KLRD1: variants seen among roughly 807,000 people sequenced by gnomAD.
KLRD1 encodes killer cell lectin like receptor D1.
A neutral mutation model predicts 22.6 loss-of-function variants in KLRD1; 21 were observed. That is an observed-to-expected ratio of 0.93 (90% confidence interval 0.66 to 1.34). KLRD1 has a LOEUF of 1.34. KLRD1 is among the 40% of genes most tolerant of loss of function. KLRD1 has a pLI of 0.00. For missense variants in KLRD1, 183 were observed against 208.6 expected, an observed-to-expected ratio of 0.88 and a Z score of 0.76; for synonymous variants, 59 against 71.1, an observed-to-expected ratio of 0.83 and a Z score of 0.85.
At chr12:10,244,806 A>AAAC (rs1949275783) in intron 1 of KLRD1, among the ~76,000 whole-genome samples, 2 of 62,868 alleles carry the variant, frequency 3.2e-5, no homozygotes, top group Non-Finnish European at 6.9e-5. Context: ...AACAAACAAA[A>AAAC]AAAAAACCAA....
At chr12:10,285,536 A>G (rs1002433194) in intron 1 of KLRD1, among the ~76,000 whole-genome samples, 6 of 152,202 alleles carry the variant, frequency 3.9e-5, no homozygotes, top group Admixed American at 6.5e-5. Flanking sequence ...TTGTGTATCA[A>G]TAGTCACCAG....
upstream of KLRD1, among the ~76,000 whole-genome samples, chr12:10,300,330 A>G (rs925097531): frequency 7.9e-5 from 12 of 152,320 alleles, no homozygotes; most frequent in African/African-American, 2.6e-4. Flanking sequence ...TGAAGAATGG[A>G]TGTTGTGCTA....
intron 1 of KLRD1, among the ~76,000 whole-genome samples, chr12:10,277,335 T>C (rs1053991511): frequency 6.6e-6 from 1 of 152,146 alleles, no homozygotes; most frequent in Admixed American, 6.6e-5. Context: ...GGGAAAAATA[T>C]AAACAAATGT....
chr12:10,307,820 G>A, upstream of KLRD1: 1 of 420,414 alleles, frequency 2.4e-6, no homozygotes, highest in Non-Finnish European at 4.3e-6. Flanking sequence ...AGAATTTCCT[G>A]TATTGTGGTT....
intron 1 of KLRD1, among the ~76,000 whole-genome samples, chr12:10,271,990 C>T (rs1447027668): frequency 6.6e-6 from 1 of 152,090 alleles, no homozygotes; most frequent in African/African-American, 2.4e-5. Context: ...ATATTAACCA[C>T]TCAATATGTG....
At position 10,252,564 on chromosome 12, in the gene KLRD1, C is replaced by T. The variant is rs529199051; in HGVS notation, c.-101+26331C>T. Among the ~76,000 whole-genome samples the T allele has an allele frequency of 1.4e-4, 22 of 152,248 alleles. 1 individual carries two copies. In the South Asian group the frequency reaches 4.3e-3, roughly 30 times the overall value. ...CTCAAGTTATAAGAAGTTAGTTCTT[C>T]TTCCCTCATGTTACTTAAGATTTGA... On this transcript the variant is annotated intron_variant, in intron 1 of 5. Coordinates refer to the KLRD1 transcript ENST00000544747.
chr12:10,303,992 A>G (rs1479167755), upstream of KLRD1, among the ~76,000 whole-genome samples: 1 of 152,176 alleles, frequency 6.6e-6, no homozygotes, highest in East Asian at 1.9e-4. Context: ...CTATACATGT[A>G]ATTGTATGTA....
rs549334891 is a variant in KLRD1, at chr12:10,289,920, A to G, written c.-100-18058A>G. Among the ~76,000 whole-genome samples, 13 of 152,174 alleles carry G rather than the reference A, an allele frequency of 8.5e-5. No homozygotes were observed. The East Asian group carries it at 1.4e-3, about 16-fold the overall frequency. ...CAGCCTCCCGAGTAGCTGGGATTAC[A>G]GGCATGCACCACCACACCCAGCTAG... On this transcript the variant is annotated intron_variant, in intron 1 of 5. Coordinates refer to the KLRD1 transcript ENST00000544747.
chr12:10,292,839 G>T (rs1949782400), intron 1 of KLRD1, among the ~76,000 whole-genome samples: 1 of 151,954 alleles, frequency 6.6e-6, no homozygotes, highest in Non-Finnish European at 1.5e-5. Flanking sequence ...TTTTCCAGAA[G>T]CCTGTTTCAT....
intron 1 of KLRD1, among the ~76,000 whole-genome samples, chr12:10,278,411 T>C (rs191791420): frequency 1.3e-5 from 2 of 152,278 alleles, no homozygotes; most frequent in African/African-American, 4.8e-5. Context: ...TTTGGTGGAC[T>C]TCCATGCTCC....
intron 1 of KLRD1, among the ~76,000 whole-genome samples, chr12:10,292,486 C>T (rs146542829): frequency 7.9e-5 from 12 of 152,286 alleles, no homozygotes; most frequent in African/African-American, 2.4e-4. Context: ...TGTACGTCTT[C>T]ATCAGAGCTC....
At chr12:10,256,667 CA>C (rs1214071536) in intron 1 of KLRD1, among the ~76,000 whole-genome samples, 1 of 151,744 alleles carries the variant, frequency 6.6e-6, no homozygotes, top group Non-Finnish European at 1.5e-5. Context: ...TAACTATTAA[CA>C]TAGATTTATT....
intron 1 of KLRD1, among the ~76,000 whole-genome samples, chr12:10,267,988 G>T (rs1009625404): frequency 6.6e-6 from 1 of 152,158 alleles, no homozygotes; most frequent in Non-Finnish European, 1.5e-5. Flanking sequence ...TGTAAACCAT[G>T]TTCAGGCTTT....
At position 10,294,852 on chromosome 12, in the gene KLRD1, G is replaced by C. The variant is rs146939449; in HGVS notation, c.-100-13126G>C. Among the ~76,000 whole-genome samples the C allele has an allele frequency of 3.3e-5, 5 of 152,206 alleles. No individual in the cohort carries two copies. In the East Asian group the frequency reaches 7.7e-4, roughly 24 times the overall value. On this transcript the variant is annotated intron_variant, in intron 1 of 5. Transcript: ENST00000544747. ...GAAAGTGAGTTCTTGGATGAAGCTT[G>C]ACACAAAACAATTTATATTATGTGA... is the stretch of plus-strand genomic sequence containing the variant.
At chr12:10,257,316 A>G (rs1949407134) in intron 1 of KLRD1, among the ~76,000 whole-genome samples, 1 of 150,460 alleles carries the variant, frequency 6.6e-6, no homozygotes, top group Non-Finnish European at 1.5e-5. Context: ...TATTTTTTAA[A>G]TACTCTTTCT....
rs905489865 is a variant in KLRD1 at position 10,311,629 on chromosome 12, C to T, written c.315+14C>T. 1 of 1,610,224 alleles carries T rather than the reference C, an allele frequency of 6.2e-7. No homozygotes were observed. Among genetic ancestry groups the T allele is most frequent in the Admixed American group, 1.7e-5 (1 of 59,528 alleles). On this transcript the variant is annotated intron_variant, in intron 4 of 5. Transcript: ENST00000336164. ...ACAGATGAACTGGCATGTGCTGAGT[C>T]TGATTTTCTACATTTTCTTTGATCT... is the stretch of plus-strand genomic sequence containing the variant.
At chr12:10,248,067 G>A (rs1395413070) in intron 1 of KLRD1, among the ~76,000 whole-genome samples, 1 of 152,150 alleles carries the variant, frequency 6.6e-6, no homozygotes, top group Admixed American at 6.5e-5. Flanking sequence ...GTTGCAATGT[G>A]CACATGCGTG....
At chr12:10,284,539 T>G (rs1949681656) in intron 1 of KLRD1, among the ~76,000 whole-genome samples, 1 of 152,220 alleles carries the variant, frequency 6.6e-6, no homozygotes, top group African/African-American at 2.4e-5. Context: ...TTTTATACAT[T>G]TTGCTGTGGA....
chr12:10,319,391 A>T lies in KLRD1; in HGVS notation c.*4598A>T, dbSNP rs1350337711. 6.6e-6 allele frequency: 1 copy of T among 152,228 alleles called. No individual in the cohort carries two copies. The highest frequency in any genetic ancestry group is 1.5e-5 in the Non-Finnish European group (1 of 68,038). 9.4% of individuals were successfully genotyped at this position (152,228 alleles called of 1,614,324 possible). A position where few individuals can be genotyped will look rare whatever the true frequency, so the allele number is the denominator to read the frequency against. ...TTATGTGTTATAGACAAGTTGCAAG[A>T]TGTTCACCAATGATTCCCACCTTGT... On this transcript the variant is annotated 3_prime_UTR_variant, in exon 6 of 6. Coordinates refer to ENST00000336164, the MANE Select transcript of KLRD1 (RefSeq NM_002262.5).
Sources: gnomAD v4.1 joint callset for allele counts (sites outside exome capture counted in the v4.1 genomes callset) on GRCh38, gnomAD v4.1.1 for gene constraint, MANE v1.5 for transcripts, NCBI Gene and HGNC (gene_info 2026-07-23, HGNC 2026-07-21) for gene names.